DISC1: variants seen among roughly 807,000 people sequenced by gnomAD.
DISC1 encodes the protein DISC1 scaffold protein.
In DISC1, 57 loss-of-function variants were observed where a neutral mutation model predicts 84.5. That is an observed-to-expected ratio of 0.67 (90% CI 0.55 to 0.84). The LOEUF (loss-of-function observed/expected upper bound fraction) is 0.84. Among genes scored for constraint, DISC1 ranks in the 40% least tolerant of loss-of-function variants. The pLI is 0.00. For synonymous variants in DISC1, 411 were observed against 415.2 expected (o/e 0.99, Z 0.12); for missense variants, 1,000 against 1,057.8 (o/e 0.95, Z 0.76).
chr1:231,830,763 G>A (rs1463638154), intron 9 of DISC1, among the ~76,000 whole-genome samples: 1 of 147,816 alleles, frequency 6.8e-6, no homozygotes, highest in Admixed American at 6.6e-5. Flanking sequence ...GTAGCATTCC[G>A]AGGACAGGCC....
chr1:231,681,159 C>T (rs1454400458), intron 1 of DISC1, among the ~76,000 whole-genome samples: 1 of 152,150 alleles, frequency 6.6e-6, no homozygotes, highest in Non-Finnish European at 1.5e-5. Context: ...AAGAAAAAGA[C>T]AATCGTTTAG....
chr1:231,975,739 T>C (rs1190705004), intron 10 of DISC1, among the ~76,000 whole-genome samples: 2 of 152,178 alleles, frequency 1.3e-5, no homozygotes, highest in African/African-American at 4.8e-5. Context: ...ACATCAAATA[T>C]CGTGTGTTCT....
Position 231,702,017 on chromosome 1 carries a change from T to C in DISC1, c.1110T>C (p.Tyr370=). 6.2e-7 allele frequency: 1 copy of C among 1,604,986 alleles called. No homozygotes were observed. The highest frequency in any genetic ancestry group is 8.5e-7 in the Non-Finnish European group (1 of 1,177,052). Residue 370 remains tyrosine (Y), a synonymous_variant, in exon 3 of 13, where the codon TAT becomes TAC. Coordinates refer to ENST00000439617, the MANE Select transcript of DISC1 (RefSeq NM_018662.3). ...LQEDAVENDD[Y]DKAETLQQRL... The stretch of plus-strand genomic sequence containing the variant: ...AAGATGCAGTTGAGAATGATGATTA[T>C]GATAAAGGTGAGTTTTAATTTGTTT...
At chr1:231,945,291 A>G (rs1656938325) in intron 9 of DISC1, 1 of 152,204 alleles carries the variant, frequency 6.6e-6, no homozygotes, top group Non-Finnish European at 1.5e-5. Context: ...TCAAATTAGA[A>G]CTCAAGATTA....
chr1:231,855,518 T>C, intron 9 of DISC1: 1 of 771,824 alleles, frequency 1.3e-6, no homozygotes, highest in Non-Finnish European at 1.6e-6. Context: ...CTTTTTGAAC[T>C]CTCTTCATGA....
rs2085096644 is a variant in DISC1 at position 231,866,808 on chromosome 1, G to A, written c.1981+48291G>A. 4 of 1,027,962 alleles carry A rather than the reference G, an allele frequency of 3.9e-6. No homozygotes were observed. The South Asian group carries it at 1.2e-4, about 31-fold the overall frequency. The allele number at this position is 1,027,962 out of a possible 1,614,324, so 63.7% of individuals were successfully genotyped here. On this transcript the variant is annotated intron_variant, in intron 9 of 12. Transcript: ENST00000439617. ...TTAATCTGTAATTAAAGTCATGATA[G>A]TTTCTTAATACGAGGAAATGTTGTC...
At chr1:231,650,915 G>A (rs1024591510) in intron 1 of DISC1, among the ~76,000 whole-genome samples, 9 of 152,084 alleles carry the variant, frequency 5.9e-5, no homozygotes, top group Non-Finnish European at 8.8e-5. Context: ...AGCTTCATCA[G>A]TTCATTTATG....
At chr1:231,722,223 G>A (rs529020995) in intron 3 of DISC1, among the ~76,000 whole-genome samples, 12 of 150,366 alleles carry the variant, frequency 8.0e-5, no homozygotes, top group Non-Finnish European at 1.3e-4. Context: ...GGAAACTATT[G>A]TTGAGAGAAA....
chr1:231,641,578 CG>C (rs2059682030), intron 1 of DISC1, among the ~76,000 whole-genome samples: 1 of 152,158 alleles, frequency 6.6e-6, no homozygotes, highest in Non-Finnish European at 1.5e-5. Context: ...GCAAAGGGAC[CG>C]GAGAGGGTTG....
intron 9 of DISC1, among the ~76,000 whole-genome samples, chr1:231,934,304 T>G (rs567652174): frequency 6.6e-6 from 1 of 152,318 alleles, no homozygotes; most frequent in African/African-American, 2.4e-5. Flanking sequence ...AATAAACTCC[T>G]TTACAATGTG....
chr1:231,988,333 C>T (rs538425449), intron 10 of DISC1, among the ~76,000 whole-genome samples: 4 of 152,306 alleles, frequency 2.6e-5, no homozygotes, highest in South Asian at 4.1e-4. Context: ...TAATAATATT[C>T]CCCAAGTGAT....
intron 10 of DISC1, among the ~76,000 whole-genome samples, chr1:231,993,652 T>A (rs1665527985): frequency 6.6e-6 from 1 of 152,112 alleles, no homozygotes; most frequent in African/African-American, 2.4e-5. Flanking sequence ...TCTGGGCGCT[T>A]GGACTAGAGG....
intron 3 of DISC1, among the ~76,000 whole-genome samples, chr1:231,727,154 T>C (rs1372803736): frequency 6.6e-6 from 1 of 152,142 alleles, no homozygotes; most frequent in African/African-American, 2.4e-5. Context: ...ATCCGTGGAA[T>C]ACTCAGAAAC....
intron 1 of DISC1, among the ~76,000 whole-genome samples, chr1:231,631,514 A>G (rs902784228): frequency 3.3e-5 from 5 of 152,158 alleles, no homozygotes; most frequent in African/African-American, 1.2e-4. Context: ...CCAACGGGAC[A>G]AGGTGTGGAG....
chr1:231,678,833 T>C (rs958902482), intron 1 of DISC1, among the ~76,000 whole-genome samples: 4 of 151,848 alleles, frequency 2.6e-5, no homozygotes, highest in East Asian at 1.9e-4. Context: ...GCCTGGCTAA[T>C]TGTTTTTTAT....
At chr1:231,701,663 TGCATTTCTTCATGCAGATGAGG>T (rs1302568982) in intron 2 of DISC1, among the ~76,000 whole-genome samples, 1 of 152,236 alleles carries the variant, frequency 6.6e-6, no homozygotes, top group Non-Finnish European at 1.5e-5. Flanking sequence ...CTTCTCATTA[TGCATTTCTTCATGCAGATGAGG>T]GCACAGTGTG....
rs201420861 is a variant in DISC1 at position 231,912,849 on chromosome 1, TCTC to T, written c.1982-45967_1982-45965del. Among the ~76,000 whole-genome samples, 308 of 151,320 alleles carry T rather than the reference TCTC, an allele frequency of 2.0e-3. 1 individual carries two copies. Among genetic ancestry groups the T allele is most frequent in the African/African-American group, 7.2e-3 (296 of 41,184 alleles). On this transcript the variant is annotated intron_variant, in intron 9 of 12. Coordinates refer to ENST00000439617, the MANE Select transcript of DISC1 (RefSeq NM_018662.3). ...CTTCCTTTCTTCTTCTTTTTCTTCT[TCTC>T]CTCCTCCTCCTTCTTTCCTTCCTTC...
chr1:231,725,612 C>T (rs757437535), intron 3 of DISC1, among the ~76,000 whole-genome samples: 7 of 152,190 alleles, frequency 4.6e-5, no homozygotes, highest in South Asian at 2.1e-4. Flanking sequence ...CCCTGCTCTG[C>T]GAGGAGCAGT....
At chr1:231,660,194 C>T (rs1303498425) in intron 1 of DISC1, among the ~76,000 whole-genome samples, 5 of 152,080 alleles carry the variant, frequency 3.3e-5, no homozygotes, top group African/African-American at 4.8e-5. Flanking sequence ...ATAGTTAGCT[C>T]TTGTTGAATT....
Sources: gnomAD v4.1 joint callset for allele counts (sites outside exome capture counted in the v4.1 genomes callset) on GRCh38, gnomAD v4.1.1 for gene constraint, MANE v1.5 for transcripts, NCBI Gene and HGNC (gene_info 2026-07-23, HGNC 2026-07-21) for gene names.